The following C17orf78 variants were observed in gnomAD, a reference collection of about 807,000 sequenced individuals.
The protein encoded by C17orf78 is uncharacterized protein C17orf78.
Under a neutral mutation model 31.8 loss-of-function variants are expected in C17orf78, and 27 were observed. The observed-to-expected ratio is 0.85, with a 90% CI of 0.63 to 1.17. The LOEUF is 1.17. Ranked by LOEUF, C17orf78 falls within the 50% of genes most tolerant of loss-of-function variation. The pLI is 0.00. For synonymous variants in C17orf78, 106 were observed against 115.1 expected (o/e 0.92, Z 0.51); for missense variants, 258 against 315.2 (o/e 0.82, Z 1.37).
In C17orf78 at chr17:37,378,827, C is replaced by T. The variant is rs536024780; in HGVS notation, c.146-310C>T. The stretch of plus-strand genomic sequence containing the variant: ...CTGTAATCCCAGCACTTTGGGAGGC[C>T]AAGGTGGGAGGATTGCTTGAGCCCA... On this transcript the variant is annotated intron_variant, in intron 2 of 6. Coordinates refer to ENST00000615133, the MANE Select transcript of C17orf78 (RefSeq NM_173625.5). Among the ~76,000 whole-genome samples the T allele has an allele frequency of 1.5e-3, 226 of 152,228 alleles. 1 individual carries two copies. Among genetic ancestry groups the T allele is most frequent in the African/African-American group, 5.1e-3 (212 of 41,546 alleles).
intron 6 of C17orf78, 72 bp downstream of exon 6, chr17:37,389,434 C>T (rs2050693222): frequency 6.6e-7 from 1 of 1,516,936 alleles, no homozygotes; most frequent in African/African-American, 1.4e-5. Context: ...TGGTGGCTCA[C>T]ACCTCTATTC....
chr17:37,376,350 G>A (rs1343848518), intron 1 of C17orf78, among the ~76,000 whole-genome samples, 200 bp downstream of exon 1: 1 of 152,184 alleles, frequency 6.6e-6, no homozygotes, highest in Non-Finnish European at 1.5e-5. Flanking sequence ...TTCATGATGA[G>A]AGGTCTTCAG....
chr17:37,390,071 T>C (rs2050725354), intron 6 of C17orf78, among the ~76,000 whole-genome samples: 1 of 134,126 alleles, frequency 7.5e-6, no homozygotes, highest in Non-Finnish European at 1.5e-5. Flanking sequence ...GCAGGAGACT[T>C]GCTAGAGTCC....
intron 2 of C17orf78, 61 bp from the exon 3 acceptor site, chr17:37,379,076 A>C (rs544261383): frequency 1.3e-6 from 2 of 1,535,490 alleles, no homozygotes; most frequent in Admixed American, 4.2e-5. Context: ...CGTCTCAAAA[A>C]AACCAACCAA....
rs900218919 is a variant in C17orf78, at chr17:37,377,958, A to G, written c.138A>G (p.Gln46=). ...ACGTGAGAAGCATCAGAGAATTGCA[A>G]ATGCAAGGTAGGGAATGGGTCCTTT... ...PKDVRSIREL[Q]MQETHTETKR... The change falls in exon 2 of 7, where the codon CAA becomes CAG. Residue 46 remains glutamine (Q), a synonymous_variant. Coordinates refer to ENST00000615133, the MANE Select transcript of C17orf78 (RefSeq NM_173625.5). 3.1e-6 allele frequency: 5 copies of G among 1,613,524 alleles called. No homozygotes were observed. The highest frequency in any genetic ancestry group is 1.7e-5 in the Admixed American group (1 of 59,956).
intron 3 of C17orf78, among the ~76,000 whole-genome samples, chr17:37,385,638 A>G (rs1292224314): frequency 6.6e-6 from 1 of 152,090 alleles, no homozygotes; most frequent in Non-Finnish European, 1.5e-5. Flanking sequence ...GTGATATTTC[A>G]TGTTCTTCCT....
rs1278981605 is a variant in C17orf78 at position 37,388,722 on chromosome 17, T to C, written c.561T>C (p.Ile187=). The C allele has an allele frequency of 6.2e-7, 1 of 1,612,232 alleles. No individual in the cohort carries two copies. The highest frequency in any genetic ancestry group is 8.5e-7 in the Non-Finnish European group (1 of 1,178,678). Residue 187 remains isoleucine, a synonymous_variant, in exon 5 of 7, where the codon ATT becomes ATC. Coordinates refer to ENST00000615133, the MANE Select transcript of C17orf78 (RefSeq NM_173625.5). ...KRQKWSIVVK[I]LIAVTLLLSG... is the part of the protein sequence containing the mutation. ...AGAAATGGAGTATTGTGGTCAAAATTCTGATTGCTGTCACCCTGTTGCTCA... is the reference window on the plus strand; with the variant it reads ...AGAAATGGAGTATTGTGGTCAAAATCCTGATTGCTGTCACCCTGTTGCTCA...
chr17:37,383,551 C>A (rs745661537), intron 3 of C17orf78, among the ~76,000 whole-genome samples: 4 of 152,140 alleles, frequency 2.6e-5, no homozygotes, highest in Middle Eastern at 3.4e-3. Context: ...TCCCAAAAAA[C>A]CTATTTATTT....
chr17:37,381,720 C>T (rs561944150), intron 3 of C17orf78, among the ~76,000 whole-genome samples: 47 of 149,880 alleles, frequency 3.1e-4, no homozygotes, highest in Middle Eastern at 6.8e-3. Context: ...CTCCGCCTCT[C>T]GGGTTCACGC....
At chr17:37,389,777 AT>A (rs529306795) in intron 6 of C17orf78, among the ~76,000 whole-genome samples, 1 of 151,698 alleles carries the variant, frequency 6.6e-6, no homozygotes, top group Non-Finnish European at 1.5e-5. Flanking sequence ...GTGAAAAAAT[AT>A]TTTTTTTAAT....
chr17:37,389,441 A>C, intron 6 of C17orf78, 79 bp downstream of exon 6: 1 of 1,507,300 alleles, frequency 6.6e-7, no homozygotes, highest in Non-Finnish European at 8.9e-7. Context: ...TCACACCTCT[A>C]TTCCCAGCAC....
At chr17:37,390,140 G>GTATATATATATATA (rs1243535532) in intron 6 of C17orf78, among the ~76,000 whole-genome samples, 8 of 34,630 alleles carry the variant, frequency 2.3e-4, no homozygotes, top group African/African-American at 2.9e-4. Context: ...AAAAAAAAAA[G>GTATATATATATATA]TATATATATA....
chr17:37,386,009 C>CT lies in C17orf78; in HGVS notation c.398dup (p.Leu133PhefsTer8), dbSNP rs1024564984. The CT allele has an allele frequency of 3.2e-6, 5 of 1,572,554 alleles. No individual in the cohort carries two copies. The highest frequency in any genetic ancestry group is 3.5e-5 in the Admixed American group (2 of 56,644). On this transcript the variant is annotated frameshift_variant and splice_region_variant, in exon 4 of 7. Coordinates refer to ENST00000615133, the MANE Select transcript of C17orf78 (RefSeq NM_173625.5). LOFTEE classifies it high-confidence loss of function. ...TCATCTTTTCTACTTTGTTTTATAG[C>CT]TTTTTTACCAGGGATCTCACAATGT...
rs902549352 is a variant in C17orf78, at chr17:37,376,039, G to A, written c.-54G>A. 6.7e-7 allele frequency: 1 copy of A among 1,484,578 alleles called. No homozygotes were observed. Among genetic ancestry groups the A allele is most frequent in the Admixed American group, 1.7e-5 (1 of 59,632 alleles). 92.0% of individuals were successfully genotyped at this position (1,484,578 alleles called of 1,614,324 possible). ...AGCAACTAGAGGCAGAGCTATCAAG[G>A]GCTGTGACAGATGAGCAGTGGTCTG... On this transcript the variant is annotated 5_prime_UTR_variant, in exon 1 of 7. Coordinates refer to ENST00000615133, the MANE Select transcript of C17orf78 (RefSeq NM_173625.5).
intron 1 of C17orf78, among the ~76,000 whole-genome samples, chr17:37,377,659 C>A (rs1597739617): frequency 7.0e-6 from 1 of 143,550 alleles, no homozygotes; most frequent in African/African-American, 2.6e-5. Context: ...GACTCCGTCT[C>A]AATAAATAAA....
At chr17:37,387,866 T>C (rs1428098665) in intron 4 of C17orf78, 1 of 152,082 alleles carries the variant, frequency 6.6e-6, no homozygotes, top group Non-Finnish European at 1.5e-5. Flanking sequence ...TTAGTAATAA[T>C]GAGATGCACA....
chr17:37,378,953 C>T (rs886615406), intron 2 of C17orf78, among the ~76,000 whole-genome samples, 184 bp from the exon 3 acceptor site: 1 of 152,090 alleles, frequency 6.6e-6, no homozygotes, highest in Non-Finnish European at 1.5e-5. Context: ...CCCATAGTCA[C>T]AGCTACTCAG....
Position 37,388,814 on chromosome 17 carries a change from G to T in C17orf78, c.633+20G>T. ...TGTCCTGTAAGTTTGCTGTTGTATT[G>T]AATCCTTGAACTTGACCCATAAAGA... On this transcript the variant is annotated intron_variant, in intron 5 of 6. Transcript: ENST00000615133. The T allele has an allele frequency of 6.2e-7, 1 of 1,611,900 alleles. No homozygotes were observed. The highest frequency in any genetic ancestry group is 1.1e-5 in the South Asian group (1 of 90,666).
At chr17:37,381,774 CT>C (rs2050281741) in intron 3 of C17orf78, among the ~76,000 whole-genome samples, 1 of 151,652 alleles carries the variant, frequency 6.6e-6, no homozygotes, top group African/African-American at 2.4e-5. Context: ...ACTACAGGCA[CT>C]CGCCACCACA....
Sources: allele counts gnomAD v4.1 joint callset (sites outside exome capture counted in the v4.1 genomes callset), GRCh38; gene constraint gnomAD v4.1.1; transcripts MANE v1.5; gene names NCBI Gene and HGNC (gene_info 2026-07-23, HGNC 2026-07-21).